The following RBFOX1 variants were observed in gnomAD, a reference collection of about 807,000 sequenced individuals.
The protein encoded by RBFOX1 is RNA binding fox-1 homolog 1.
In RBFOX1, 8 loss-of-function variants were observed where a neutral mutation model predicts 57.7. The ratio of observed to expected loss-of-function variants is 0.14; its 90% confidence interval spans 0.08 to 0.25. The LOEUF is 0.25. Ranked by LOEUF, RBFOX1 falls within the 10% of genes least tolerant of loss-of-function variation. The pLI is 1.00. For synonymous variants in RBFOX1, 326 were observed against 222.4 expected, an observed-to-expected ratio of 1.47 and a Z score of -4.15; for missense variants, 611 against 548.5, an observed-to-expected ratio of 1.11 and a Z score of -1.14.
intron 1 of RBFOX1, among the ~76,000 whole-genome samples, chr16:5,326,910 G>T (rs1453462520): frequency 6.6e-6 from 1 of 152,154 alleles, no homozygotes; most frequent in Non-Finnish European, 1.5e-5. Context: ...TAATTCATTT[G>T]TCCAATATCG....
intron 3 of RBFOX1, among the ~76,000 whole-genome samples, chr16:5,766,033 C>T (rs1194850782): frequency 6.6e-6 from 1 of 152,144 alleles, no homozygotes; most frequent in Non-Finnish European, 1.5e-5. Flanking sequence ...TGGGGACTAG[C>T]TTGGTAGTGT....
intron 2 of RBFOX1, among the ~76,000 whole-genome samples, chr16:6,638,060 T>C (rs565204458): frequency 6.6e-6 from 1 of 152,230 alleles, no homozygotes; most frequent in East Asian, 1.9e-4. Context: ...AGACTAAACT[T>C]CTGCCACTCT....
chr16:5,864,432 G>C (rs1255444553), intron 3 of RBFOX1, among the ~76,000 whole-genome samples: 1 of 152,082 alleles, frequency 6.6e-6, no homozygotes, highest in Non-Finnish European at 1.5e-5. Flanking sequence ...TCAAGTTCCA[G>C]TTTGCTCAGG....
intron 12 of RBFOX1, among the ~76,000 whole-genome samples, chr16:7,657,909 G>A (rs1193580488): frequency 6.6e-6 from 1 of 152,164 alleles, no homozygotes; most frequent in Non-Finnish European, 1.5e-5. Context: ...ATAGCCTATG[G>A]AATTTTATAG....
intron 4 of RBFOX1, among the ~76,000 whole-genome samples, chr16:5,948,824 C>T (rs1012443902): frequency 6.6e-5 from 10 of 152,194 alleles, no homozygotes; most frequent in Admixed American, 2.0e-4. Context: ...TTTCTTACGG[C>T]ATCCCTGGGA....
intron 5 of RBFOX1, among the ~76,000 whole-genome samples, chr16:7,557,360 C>A (rs986365516): frequency 1.3e-5 from 2 of 152,096 alleles, no homozygotes. Context: ...TGGCTTTCAC[C>A]TGTAATCCCA....
At chr16:7,702,607 C>T (rs1463284095) in intron 14 of RBFOX1, among the ~76,000 whole-genome samples, 1 of 152,178 alleles carries the variant, frequency 6.6e-6, no homozygotes, top group African/African-American at 2.4e-5. Context: ...TGCTGCAGAA[C>T]TCAGAAGCCA....
intron 3 of RBFOX1, among the ~76,000 whole-genome samples, chr16:6,736,628 A>G (rs1167652773): frequency 2.0e-5 from 3 of 152,208 alleles, no homozygotes; most frequent in Admixed American, 2.0e-4. Flanking sequence ...ATGCATGTGC[A>G]AGTATCTTTT....
At chr16:7,209,142 AAAT>A (rs60784195) in intron 4 of RBFOX1, among the ~76,000 whole-genome samples, 35,244 of 140,158 alleles carry the variant, frequency 0.25, 4,539 homozygotes, top group East Asian at 0.33. Context: ...CAAAAATACA[AAAT>A]AATAATAATA....
intron 2 of RBFOX1, among the ~76,000 whole-genome samples, chr16:6,636,340 T>A (rs113719697): frequency 0.043 from 6,484 of 152,072 alleles, 177 homozygotes; most frequent in Non-Finnish European, 0.051. Context: ...ACGGCTAATT[T>A]TTTGTATTTT....
Position 5,770,034 on chromosome 16 carries a change from A to G in RBFOX1, c.319-97269A>G, listed in dbSNP as rs1172206269. On this transcript the variant is annotated intron_variant, in intron 3 of 19. Coordinates refer to the RBFOX1 transcript ENST00000641259. ...GAGGCAGATAGAAGCTAAACTATAG[A>G]GAAGATTTACTGTGGAGGTAAGAAT... Among the ~76,000 whole-genome samples the G allele has an allele frequency of 2.6e-5, 4 of 152,194 alleles. No individual in the cohort carries two copies. The East Asian group carries it at 7.7e-4, about 29-fold the overall frequency.
intron 9 of RBFOX1, among the ~76,000 whole-genome samples, chr16:7,600,556 C>T (rs768597112): frequency 2.6e-5 from 4 of 152,142 alleles, no homozygotes; most frequent in Non-Finnish European, 5.9e-5. Flanking sequence ...ATTAAGCCAT[C>T]GGTGAGGTTC....
At chr16:7,690,453 G>C (rs2077073430) in intron 14 of RBFOX1, among the ~76,000 whole-genome samples, 2 of 152,110 alleles carry the variant, frequency 1.3e-5, no homozygotes, top group African/African-American at 4.8e-5. Context: ...GTGCAGCCAA[G>C]GTTGAGAACG....
intron 7 of RBFOX1, among the ~76,000 whole-genome samples, chr16:7,592,083 G>C (rs916692131): frequency 2.0e-4 from 30 of 152,222 alleles, no homozygotes; most frequent in African/African-American, 7.2e-4. Flanking sequence ...CAACGGAACA[G>C]GTAGGAAAGT....
rs1398852263 is a variant in RBFOX1 at position 7,441,926 on chromosome 16, G to C, written c.28-76221G>C. The stretch of plus-strand genomic sequence containing the variant: ...ATAAACGTGCCCAGAGATGCTGGCA[G>C]CCTGGAAGCTTTGCATCTGCATTGG... On this transcript the variant is annotated intron_variant, in intron 4 of 15. Coordinates refer to ENST00000550418, the MANE Select transcript of RBFOX1 (RefSeq NM_018723.4). Among the ~76,000 whole-genome samples the C allele has an allele frequency of 4.6e-5, 7 of 152,306 alleles. No homozygotes were observed. In the East Asian group the frequency reaches 1.4e-3, roughly 29 times the overall value.
chr16:7,058,167 T>G (rs2053065326), intron 4 of RBFOX1, among the ~76,000 whole-genome samples: 1 of 152,130 alleles, frequency 6.6e-6, no homozygotes, highest in East Asian at 1.9e-4. Flanking sequence ...CACGTCTTAC[T>G]CACAGCTTTC....
At chr16:6,363,180 A>G (rs1344311251) in intron 2 of RBFOX1, among the ~76,000 whole-genome samples, 1 of 152,214 alleles carries the variant, frequency 6.6e-6, no homozygotes, top group East Asian at 1.9e-4. Context: ...TATATTGAAA[A>G]TATAGAAACT....
At chr16:6,555,947 C>CAGAA (rs986136443) in intron 2 of RBFOX1, among the ~76,000 whole-genome samples, 1 of 152,118 alleles carries the variant, frequency 6.6e-6, no homozygotes, top group Non-Finnish European at 1.5e-5. Context: ...AGGATCGACT[C>CAGAA]TATTCTGGCA....
At chr16:7,280,973 C>T (rs1464962188) in intron 4 of RBFOX1, among the ~76,000 whole-genome samples, 5 of 111,756 alleles carry the variant, frequency 4.5e-5, no homozygotes, top group African/African-American at 2.0e-4. Flanking sequence ...CCCTCCCTCC[C>T]TCCCTCCCTC....
Sources: gnomAD v4.1 joint callset for allele counts (sites outside exome capture counted in the v4.1 genomes callset) on GRCh38, gnomAD v4.1.1 for gene constraint, MANE v1.5 for transcripts, NCBI Gene and HGNC (gene_info 2026-07-23, HGNC 2026-07-21) for gene names.